The following CHRM3 variants were observed in gnomAD, a reference collection of about 807,000 sequenced individuals.
CHRM3 encodes muscarinic acetylcholine receptor M3.
CHRM3 carries 11 observed loss-of-function variants against 41.8 expected under a neutral mutation model. That is an observed-to-expected ratio of 0.26 (90% CI 0.17 to 0.44). CHRM3 has a LOEUF of 0.44. Ranked by LOEUF, CHRM3 falls within the 20% of genes least tolerant of loss-of-function variation. The pLI, the probability that CHRM3 is intolerant of heterozygous loss-of-function variation, is 1.00. For missense variants in CHRM3, 571 were observed against 745.4 expected, an observed-to-expected ratio of 0.77 and a Z score of 2.72; for synonymous variants, 297 against 301.4, an observed-to-expected ratio of 0.99 and a Z score of 0.15.
At chr1:239,439,454 C>T (rs1295616313) in intron 1 of CHRM3, among the ~76,000 whole-genome samples, 1 of 152,022 alleles carries the variant, frequency 6.6e-6, no homozygotes, top group Non-Finnish European at 1.5e-5. Context: ...GGAGTCAGGG[C>T]TTTGGACTGC....
intron 3 of CHRM3, among the ~76,000 whole-genome samples, chr1:239,610,374 A>AT (rs1388592835): frequency 2.0e-5 from 3 of 152,214 alleles, no homozygotes; most frequent in African/African-American, 7.2e-5. Flanking sequence ...TGATACTAGA[A>AT]TTTATGCATC....
intron 5 of CHRM3, among the ~76,000 whole-genome samples, chr1:239,766,704 TATA>T (rs1667253104): frequency 6.6e-6 from 1 of 150,838 alleles, no homozygotes; most frequent in African/African-American, 2.5e-5. Context: ...TAGATATAGA[TATA>T]GATATAGATA....
intron 5 of CHRM3, among the ~76,000 whole-genome samples, chr1:239,700,060 A>G (rs764673375): frequency 3.9e-5 from 6 of 152,162 alleles, no homozygotes; most frequent in Non-Finnish European, 8.8e-5. Context: ...TCAGATATTT[A>G]ATTAATTTTT....
chr1:239,628,788 G>T (rs1172309415), intron 3 of CHRM3, among the ~76,000 whole-genome samples: 1 of 50,482 alleles, frequency 2.0e-5, no homozygotes, highest in Admixed American at 1.9e-4. Flanking sequence ...GCCCCTGCTG[G>T]GGGGTGCCTC....
At chr1:239,708,736 CTTTTTTTTTTTTTTT>C (rs869143310) in intron 5 of CHRM3, among the ~76,000 whole-genome samples, 4 of 48,294 alleles carry the variant, frequency 8.3e-5, no homozygotes, top group African/African-American at 2.7e-4. Flanking sequence ...TTTAAATTTT[CTTTTTTTTTTTTTTT>C]TTTTTTTTTT....
chr1:239,575,714 C>T (rs1300578971), intron 3 of CHRM3, among the ~76,000 whole-genome samples: 1 of 151,654 alleles, frequency 6.6e-6, no homozygotes, highest in Non-Finnish European at 1.5e-5. Flanking sequence ...CAGGCCTGAA[C>T]AGGGGCTGGA....
intron 1 of CHRM3, among the ~76,000 whole-genome samples, chr1:239,486,449 G>A (rs1263225371): frequency 2.6e-5 from 4 of 152,082 alleles, no homozygotes; most frequent in African/African-American, 9.7e-5. Context: ...ATACACACAA[G>A]AACAATAGAA....
At chr1:239,532,152 A>G (rs138255619) in intron 2 of CHRM3, among the ~76,000 whole-genome samples, 5,781 of 144,632 alleles carry the variant, frequency 0.04, 178 homozygotes, top group African/African-American at 0.069. Flanking sequence ...AGCTGGGACT[A>G]CAGGCGCTGC....
intron 3 of CHRM3, among the ~76,000 whole-genome samples, chr1:239,562,888 CAAAAAAA>C (rs1269385069): frequency 4.5e-4 from 23 of 51,258 alleles, no homozygotes; most frequent in African/African-American, 1.5e-3. Flanking sequence ...ACTCTGTCTC[CAAAAAAA>C]AAAAAAAAAA....
In CHRM3 at chr1:239,802,846, C is replaced by T. The variant is rs572437970; in HGVS notation, c.-146-24406C>T. Among the ~76,000 whole-genome samples the T allele has an allele frequency of 7.5e-4, 114 of 152,308 alleles. 1 individual carries two copies. Among genetic ancestry groups the T allele is most frequent in the Non-Finnish European group, 1.3e-3 (86 of 68,028 alleles). On this transcript the variant is annotated intron_variant, in intron 5 of 6. Transcript: ENST00000676153. Reference sequence around the variant, plus strand: ...CTCCTGGGCTCAAGTGATCTGCTTGCTTCAGCCTCCCAAAGTGCTGGGATT... The same window carrying T: ...CTCCTGGGCTCAAGTGATCTGCTTGTTTCAGCCTCCCAAAGTGCTGGGATT...
At chr1:239,654,158 G>A (rs548891546) in intron 4 of CHRM3, among the ~76,000 whole-genome samples, 1 of 151,902 alleles carries the variant, frequency 6.6e-6, no homozygotes, top group South Asian at 2.1e-4. Flanking sequence ...TTGGAGAGAT[G>A]GGGGTCTCAC....
intron 3 of CHRM3, among the ~76,000 whole-genome samples, chr1:239,548,631 G>A (rs1167386211): frequency 2.6e-5 from 4 of 152,128 alleles, no homozygotes; most frequent in Non-Finnish European, 2.9e-5. Flanking sequence ...GGCTTTGAGG[G>A]TGCATTTCTT....
At chr1:239,666,564 T>C (rs1378576505) in intron 4 of CHRM3, among the ~76,000 whole-genome samples, 2 of 152,144 alleles carry the variant, frequency 1.3e-5, no homozygotes, top group Non-Finnish European at 1.5e-5. Context: ...TCCTGTTATT[T>C]CCTGGGTTTG....
intron 1 of CHRM3, among the ~76,000 whole-genome samples, chr1:239,443,871 A>T (rs1341254160): frequency 6.6e-6 from 1 of 152,232 alleles, no homozygotes; most frequent in Non-Finnish European, 1.5e-5. Flanking sequence ...AGTAGAAGAG[A>T]ATTGAAATCC....
At chr1:239,711,222 G>C (rs1661750491) in intron 5 of CHRM3, among the ~76,000 whole-genome samples, 1 of 152,068 alleles carries the variant, frequency 6.6e-6, no homozygotes, top group Non-Finnish European at 1.5e-5. Flanking sequence ...GATTGTGTCT[G>C]TAACCCCAAT....
At chr1:239,739,590 T>G (rs1359030835) in intron 5 of CHRM3, among the ~76,000 whole-genome samples, 1 of 152,154 alleles carries the variant, frequency 6.6e-6, no homozygotes, top group African/African-American at 2.4e-5. Context: ...ATAATGCTAA[T>G]AAGGCTGGGA....
chr1:239,821,592 G>C (rs1477383689), intron 5 of CHRM3, among the ~76,000 whole-genome samples: 2 of 152,202 alleles, frequency 1.3e-5, no homozygotes, highest in Admixed American at 1.3e-4. Context: ...ACTAGGATGA[G>C]AAATGAACCC....
chr1:239,594,174 T>C (rs1263833931), intron 3 of CHRM3, among the ~76,000 whole-genome samples: 1 of 152,244 alleles, frequency 6.6e-6, no homozygotes, highest in African/African-American at 2.4e-5. Flanking sequence ...GTACTTCATA[T>C]TGACTTGTTT....
intron 3 of CHRM3, among the ~76,000 whole-genome samples, chr1:239,602,110 G>GTATA (rs1186014237): frequency 5.7e-4 from 64 of 112,840 alleles, no homozygotes; most frequent in South Asian, 3.4e-3. Flanking sequence ...GTGTGTGTGT[G>GTATA]TATATATATA....
Sources: gnomAD v4.1 joint callset for allele counts (sites outside exome capture counted in the v4.1 genomes callset) on GRCh38, gnomAD v4.1.1 for gene constraint, MANE v1.5 for transcripts, NCBI Gene and HGNC (gene_info 2026-07-23, HGNC 2026-07-21) for gene names.